The following ACLY variants were observed in gnomAD, a reference collection of about 807,000 sequenced individuals.
ACLY encodes the protein ATP citrate lyase.
In ACLY, 41 loss-of-function variants were observed where a neutral mutation model predicts 133.0. The observed-to-expected ratio is 0.31, with a 90% CI of 0.24 to 0.40. ACLY has a LOEUF of 0.40. ACLY is among the 10% of genes least tolerant of loss of function. The probability of loss-of-function intolerance (pLI) is 1.00; values close to 1 mark genes in which losing one functional copy is unlikely to be tolerated. For missense variants in ACLY, 1,046 were observed against 1,453.8 expected, an observed-to-expected ratio of 0.72 and a Z score of 4.56; for synonymous variants, 495 against 549.3, an observed-to-expected ratio of 0.90 and a Z score of 1.38.
intron 3 of ACLY, among the ~76,000 whole-genome samples, chr17:41,910,657 G>A (rs139143195): frequency 2.0e-4 from 31 of 152,336 alleles, no homozygotes; most frequent in Non-Finnish European, 1.3e-4. Flanking sequence ...TGAGCCTTGA[G>A]GAAGGCACAG....
intron 26 of ACLY, 101 bp from the exon 27 acceptor site, chr17:41,869,226 T>A (rs1194857788): frequency 6.1e-6 from 7 of 1,143,442 alleles, no homozygotes; most frequent in Non-Finnish European, 9.1e-6. Context: ...GACCATCATT[T>A]AAAAACCTTC....
chr17:41,888,594 G>T (rs1307344073), intron 16 of ACLY, among the ~76,000 whole-genome samples: 2 of 152,158 alleles, frequency 1.3e-5, no homozygotes, highest in East Asian at 3.9e-4. Flanking sequence ...GGTCAAGATA[G>T]TATTGTAGGG....
chr17:41,872,582 C>T (rs782098319), intron 23 of ACLY, among the ~76,000 whole-genome samples: 8 of 152,184 alleles, frequency 5.3e-5, no homozygotes, highest in Non-Finnish European at 1.2e-4. Flanking sequence ...ACCTCGGCCT[C>T]CCAAAGTGCT....
At position 41,872,139 on chromosome 17, in the gene ACLY, C is replaced by G. The variant is rs782154379; in HGVS notation, c.2686G>C (p.Val896Leu). 1 of 1,613,894 alleles carries G rather than the reference C, an allele frequency of 6.2e-7. No individual in the cohort carries two copies. The highest frequency in any genetic ancestry group is 8.5e-7 in the Non-Finnish European group (1 of 1,180,018). The change falls in exon 24 of 29, where the codon GTG becomes CTG. Residue 896 changes from valine (V) to leucine (L), a missense_variant. Val to Leu is a conservative substitution (Grantham distance 32, BLOSUM62 1). Coordinates refer to ENST00000352035, the MANE Select transcript of ACLY (RefSeq NM_001096.3). Reference sequence around the variant, plus strand: ...ACGGCTGGCCCGTGATCAGCTGTCACCATCAGACACATCTCAATGAACTGG... The same window carrying G: ...ACGGCTGGCCCGTGATCAGCTGTCAGCATCAGACACATCTCAATGAACTGG... ...SCQFIEMCLM[V>L]TADHGPAVSG...
chr17:41,929,306 A>T (rs1727070762), intron 1 of ACLY, among the ~76,000 whole-genome samples: 1 of 151,838 alleles, frequency 6.6e-6, no homozygotes, highest in South Asian at 2.1e-4. Context: ...TGTTGCCCAG[A>T]CTGGTCTCGA....
intron 1 of ACLY, among the ~76,000 whole-genome samples, chr17:41,926,951 C>T (rs1000412384): frequency 6.6e-6 from 1 of 151,818 alleles, no homozygotes; most frequent in African/African-American, 2.4e-5. Context: ...TCATCACAAC[C>T]TCCGCCTCCC....
At chr17:41,899,536 C>T (rs1224849377) in intron 11 of ACLY, among the ~76,000 whole-genome samples, 3 of 152,112 alleles carry the variant, frequency 2.0e-5, no homozygotes, top group Non-Finnish European at 4.4e-5. Context: ...TCTCCCAGCT[C>T]AACCCAAGCA....
At chr17:41,896,082 A>T (rs1162518935) in intron 14 of ACLY, among the ~76,000 whole-genome samples, 2 of 151,968 alleles carry the variant, frequency 1.3e-5, no homozygotes, top group Non-Finnish European at 2.9e-5. Flanking sequence ...TTCCTCCACC[A>T]CAACCCCAGA....
Position 41,918,555 on chromosome 17 carries a change from C to G in ACLY, c.-24+325G>C, listed in dbSNP as rs540131930. ...AGCCCGAGGAGCCTCGATAGCTGTG[C>G]CCGGGAGGGGTGAGGCGCGCCAGGA... On this transcript the variant is annotated intron_variant, in intron 1 of 28. Transcript: ENST00000352035. Among the ~76,000 whole-genome samples, 20 of 152,302 alleles carry G rather than the reference C, an allele frequency of 1.3e-4. No individual in the cohort carries two copies. In the East Asian group the frequency reaches 3.7e-3, roughly 28 times the overall value.
chr17:41,882,011 C>T (rs2048929651), intron 20 of ACLY, among the ~76,000 whole-genome samples: 1 of 152,144 alleles, frequency 6.6e-6, no homozygotes, highest in Non-Finnish European at 1.5e-5. Context: ...TCTTTGCATG[C>T]CTGCCCTGTT....
Position 41,882,367 on chromosome 17 carries a change from CAAAAAAAAAAA to C in ACLY, c.2265+744_2265+754del, listed in dbSNP as rs34078258. Among the ~76,000 whole-genome samples, 68 of 40,258 alleles carry C rather than the reference CAAAAAAAAAAA, an allele frequency of 1.7e-3. 1 individual carries two copies. Among genetic ancestry groups the C allele is most frequent in the African/African-American group, 3.9e-3 (37 of 9,388 alleles). The allele number at this position is 40,258 out of a possible 152,430, so 26.4% of individuals were successfully genotyped here. A position where few individuals can be genotyped will look rare whatever the true frequency, so the allele number is the denominator to read the frequency against. ...GGGCGACAGAGTGAGACCCTGTCTC[CAAAAAAAAAAA>C]AAAAAAAAAAAAAAAAAAAGTTGTT... On this transcript the variant is annotated intron_variant, in intron 20 of 28. Transcript: ENST00000352035.
chr17:41,892,893 G>T, intron 15 of ACLY, 140 bp downstream of exon 15: 2 of 1,031,306 alleles, frequency 1.9e-6, no homozygotes, highest in Non-Finnish European at 2.8e-6. Context: ...GCCCAGGGCT[G>T]GTCTCAAACT....
At chr17:41,914,904 C>T (rs1555634276) in intron 1 of ACLY, among the ~76,000 whole-genome samples, 2 of 152,146 alleles carry the variant, frequency 1.3e-5, no homozygotes, top group African/African-American at 4.8e-5. Flanking sequence ...AGAAACTCAT[C>T]TCATATGAGC....
At chr17:41,892,532 G>C in intron 15 of ACLY, 85 bp from the exon 16 acceptor site, 1 of 1,290,716 alleles carries the variant, frequency 7.7e-7, no homozygotes, top group Non-Finnish European at 1.1e-6. Flanking sequence ...ATTTCACCTA[G>C]AAGATAGAAA....
chr17:41,890,418 C>T (rs551935729), intron 16 of ACLY, among the ~76,000 whole-genome samples: 1 of 151,812 alleles, frequency 6.6e-6, no homozygotes, highest in East Asian at 1.9e-4. Context: ...GGCGCGGTGG[C>T]TCACGCCTGT....
intron 19 of ACLY, among the ~76,000 whole-genome samples, 161 bp from the exon 20 acceptor site, chr17:41,883,393 C>G (rs2048969988): frequency 1.3e-5 from 2 of 152,038 alleles, no homozygotes; most frequent in South Asian, 4.1e-4. Context: ...CAGCAGGTCT[C>G]CTAGAGGAAT....
intron 12 of ACLY, among the ~76,000 whole-genome samples, chr17:41,898,226 C>T (rs1295163674): frequency 6.6e-6 from 1 of 152,200 alleles, no homozygotes; most frequent in East Asian, 1.9e-4. Context: ...GATTCTCATG[C>T]CTGAGCCTCC....
At chr17:41,881,103 G>A (rs1235436862) in intron 20 of ACLY, among the ~76,000 whole-genome samples, 1 of 151,692 alleles carries the variant, frequency 6.6e-6, no homozygotes, top group East Asian at 1.9e-4. Flanking sequence ...GAGTTGGGGG[G>A]AGAGCAATGG....
intron 26 of ACLY, 141 bp from the exon 27 acceptor site, chr17:41,869,266 G>T: frequency 2.3e-6 from 2 of 874,638 alleles, no homozygotes; most frequent in Non-Finnish European, 3.6e-6. Flanking sequence ...CACTGTGTCT[G>T]ACTCAGTTCA....
Sources: allele counts gnomAD v4.1 joint callset (sites outside exome capture counted in the v4.1 genomes callset), GRCh38; gene constraint gnomAD v4.1.1; transcripts MANE v1.5; gene names NCBI Gene and HGNC (gene_info 2026-07-23, HGNC 2026-07-21).